Variants in NCALD observed in about 807,000 individuals in gnomAD.
NCALD encodes the protein neurocalcin delta.
Under a neutral mutation model 18.6 loss-of-function variants are expected in NCALD, and 10 were observed. That is an observed-to-expected ratio of 0.54 (90% CI 0.33 to 0.91). The LOEUF is 0.91. Ranked by LOEUF, NCALD falls within the 40% of genes least tolerant of loss-of-function variation. The probability of loss-of-function intolerance (pLI) is 0.03; values close to 1 mark genes in which losing one functional copy is unlikely to be tolerated. For missense variants in NCALD, 184 were observed against 247.6 expected (o/e 0.74, Z 1.72); for synonymous variants, 88 against 87.4 (o/e 1.01, Z -0.04).
chr8:101,721,767 G>A (rs935325286), intron 1 of NCALD, among the ~76,000 whole-genome samples: 8 of 151,940 alleles, frequency 5.3e-5, no homozygotes, highest in Non-Finnish European at 7.4e-5. Context: ...ATATGCAGGT[G>A]TCCAAAGTGA....
chr8:101,943,988 AC>A (rs1819067545), intron 2 of NCALD, among the ~76,000 whole-genome samples: 1 of 148,730 alleles, frequency 6.7e-6, no homozygotes, highest in Non-Finnish European at 1.5e-5. Context: ...ACAAAAAAAA[AC>A]AGAAAAAAAC....
intron 1 of NCALD, among the ~76,000 whole-genome samples, chr8:102,028,601 A>G (rs965195374): frequency 2.0e-5 from 3 of 152,192 alleles, no homozygotes; most frequent in Non-Finnish European, 2.9e-5. Flanking sequence ...CTCTGGGAGG[A>G]ATCAAAACTA....
At chr8:101,870,568 T>C (rs1171423246) in intron 4 of NCALD, among the ~76,000 whole-genome samples, 1 of 152,230 alleles carries the variant, frequency 6.6e-6, no homozygotes, top group African/African-American at 2.4e-5. Flanking sequence ...TGAAACACTT[T>C]AACTCAGTGG....
intron 1 of NCALD, among the ~76,000 whole-genome samples, chr8:102,052,857 C>T (rs777889712): frequency 2.6e-5 from 4 of 152,172 alleles, no homozygotes; most frequent in Non-Finnish European, 4.4e-5. Context: ...CATTTATGGA[C>T]ATTGAAATTT....
In NCALD at chr8:101,783,021, C is replaced by T. The variant is rs142071379; in HGVS notation, c.-20+7841G>A. On this transcript the variant is annotated intron_variant, in intron 1 of 3. Coordinates refer to ENST00000220931, the MANE Select transcript of NCALD (RefSeq NM_032041.3). ...ATCTTGGATGAGATGGGATATATCC[C>T]GGTTATTGAAAAGTCTGGGTGATTG... Among the ~76,000 whole-genome samples, 18 of 152,226 alleles carry T rather than the reference C, an allele frequency of 1.2e-4. No homozygotes were observed. The East Asian group carries it at 2.5e-3, about 21-fold the overall frequency.
At chr8:102,111,257 C>A (rs1825630134) in intron 1 of NCALD, among the ~76,000 whole-genome samples, 3 of 152,178 alleles carry the variant, frequency 2.0e-5, no homozygotes, top group African/African-American at 7.2e-5. Flanking sequence ...CTAGAATGGA[C>A]TTCTGGTTCT....
At chr8:102,032,319 G>A (rs554754667) in intron 1 of NCALD, among the ~76,000 whole-genome samples, 1 of 152,032 alleles carries the variant, frequency 6.6e-6, no homozygotes, top group South Asian at 2.1e-4. Flanking sequence ...GCTTCAAAAG[G>A]AGTTCCCTGT....
chr8:102,055,504 T>C (rs1222530698), intron 1 of NCALD, among the ~76,000 whole-genome samples: 1 of 152,254 alleles, frequency 6.6e-6, no homozygotes, highest in Non-Finnish European at 1.5e-5. Flanking sequence ...TTTCACTGTT[T>C]TTATTTTAAG....
rs537862108 is a variant in NCALD at position 102,052,915 on chromosome 8, AT to A, written c.-209-32627del. 5.3e-5 allele frequency among the ~76,000 whole-genome samples: 8 copies of A among 152,150 alleles called. No individual in the cohort carries two copies. The East Asian group carries it at 1.2e-3, about 22-fold the overall frequency. On this transcript the variant is annotated intron_variant, in intron 1 of 6. Transcript: ENST00000311028. ...ATCATGAAATATTATCCATCTTTTGATTTTTTCCCCAGCCATTTAAAAATGT... is the reference window on the plus strand; with the variant it reads ...ATCATGAAATATTATCCATCTTTTGATTTTTCCCCAGCCATTTAAAAATGT...
rs1243774540 is a variant in NCALD at position 101,952,602 on chromosome 8, G to A, written c.-156-36744C>T. 2.0e-5 allele frequency among the ~76,000 whole-genome samples: 3 copies of A among 152,332 alleles called. No individual in the cohort carries two copies. The East Asian group carries it at 5.8e-4, about 29-fold the overall frequency. On this transcript the variant is annotated intron_variant, in intron 2 of 6. Transcript: ENST00000311028. ...ACAGCTGAGAGCACCCGTGTTGTCAGCAGGCTCTTAATGGGGCTTTCCATC... is the reference window on the plus strand; with the variant it reads ...ACAGCTGAGAGCACCCGTGTTGTCAACAGGCTCTTAATGGGGCTTTCCATC...
chr8:102,090,131 A>G (rs1824876379), intron 1 of NCALD, among the ~76,000 whole-genome samples: 1 of 152,196 alleles, frequency 6.6e-6, no homozygotes. Context: ...GAAATATGAA[A>G]TAGTGTTTGG....
intron 1 of NCALD, among the ~76,000 whole-genome samples, chr8:102,080,679 A>C (rs1824498303): frequency 6.6e-6 from 1 of 152,182 alleles, no homozygotes; most frequent in South Asian, 2.1e-4. Context: ...GGAACGCTAA[A>C]TGTTCTATGA....
At chr8:101,898,424 G>A (rs1817291258) in intron 3 of NCALD, among the ~76,000 whole-genome samples, 1 of 151,696 alleles carries the variant, frequency 6.6e-6, no homozygotes. Flanking sequence ...TTTAATCTAG[G>A]TACGTGTTTT....
intron 3 of NCALD, among the ~76,000 whole-genome samples, chr8:101,908,369 C>T (rs1207329048): frequency 1.3e-5 from 2 of 152,116 alleles, no homozygotes; most frequent in Non-Finnish European, 2.9e-5. Flanking sequence ...TCTCGTCAAG[C>T]AGCAAACCCA....
chr8:101,963,690 A>G (rs930762773), intron 2 of NCALD, among the ~76,000 whole-genome samples: 2 of 152,208 alleles, frequency 1.3e-5, no homozygotes, highest in Non-Finnish European at 2.9e-5. Context: ...ACAACTGAAA[A>G]ACAAACCTAA....
chr8:102,086,962 G>A (rs936258199), intron 1 of NCALD, among the ~76,000 whole-genome samples: 6 of 152,186 alleles, frequency 3.9e-5, no homozygotes, highest in Non-Finnish European at 8.8e-5. Context: ...CAGATGCCAT[G>A]GCAACATCAG....
At chr8:101,771,062 A>G (rs1045380706) in intron 1 of NCALD, among the ~76,000 whole-genome samples, 8 of 152,138 alleles carry the variant, frequency 5.3e-5, no homozygotes, top group Non-Finnish European at 1.2e-4. Context: ...CCACCCCTAT[A>G]TCAAAGTTAC....
intron 4 of NCALD, among the ~76,000 whole-genome samples, chr8:101,799,669 T>A (rs530466241): frequency 6.6e-6 from 1 of 152,250 alleles, no homozygotes; most frequent in South Asian, 2.1e-4. Flanking sequence ...AAAACAAGTC[T>A]CAAAAGTTCA....
chr8:102,113,897 C>T (rs1587111479), intron 1 of NCALD, among the ~76,000 whole-genome samples: 1 of 152,214 alleles, frequency 6.6e-6, no homozygotes, highest in African/African-American at 2.4e-5. Context: ...CCCAAACAAC[C>T]GTGAATCAGT....
Sources: allele counts gnomAD v4.1 joint callset (sites outside exome capture counted in the v4.1 genomes callset), GRCh38; gene constraint gnomAD v4.1.1; transcripts MANE v1.5; gene names NCBI Gene and HGNC (gene_info 2026-07-23, HGNC 2026-07-21).